The following ZC3H18 variants were observed in gnomAD, a reference collection of about 807,000 sequenced individuals.
The protein encoded by ZC3H18 is zinc finger CCCH domain-containing protein 18.
Under a neutral mutation model 106.1 loss-of-function variants are expected in ZC3H18, and 8 were observed. That is an observed-to-expected ratio of 0.08 (90% confidence interval 0.04 to 0.14). The LOEUF (loss-of-function observed/expected upper bound fraction) is 0.14, where lower values mean the gene tolerates loss of function less well. Ranked by LOEUF, ZC3H18 falls within the 10% of genes least tolerant of loss-of-function variation. The probability of loss-of-function intolerance (pLI) is 1.00; values close to 1 mark genes in which losing one functional copy is unlikely to be tolerated. For synonymous variants in ZC3H18, 635 were observed against 522.1 expected (o/e 1.22, Z -2.95); for missense variants, 1,318 against 1,278.4 (o/e 1.03, Z -0.47).
chr16:88,625,471 C>T (rs1053940064), intron 13 of ZC3H18: 3 of 614,664 alleles, frequency 4.9e-6, no homozygotes, highest in East Asian at 2.9e-5. Flanking sequence ...AAGACCCCCT[C>T]CCCCCACCAA....
rs1265575747 is a variant in ZC3H18 at position 88,586,769 on chromosome 16, C to G, written c.688+85C>G. On this transcript the variant is annotated intron_variant, in intron 3 of 17. Coordinates refer to ENST00000301011, the MANE Select transcript of ZC3H18 (RefSeq NM_144604.4). ...TGGTGCTGGCTCACCTTGCCAGGCCCTGCTCTGCTCAAGGCAGTTCTCTGG... is the reference window on the plus strand; with the variant it reads ...TGGTGCTGGCTCACCTTGCCAGGCCGTGCTCTGCTCAAGGCAGTTCTCTGG... The G allele has an allele frequency of 3.7e-6, 4 of 1,078,198 alleles. No homozygotes were observed. In the East Asian group the frequency reaches 1.0e-4, roughly 27 times the overall value. The allele number at this position is 1,078,198 out of a possible 1,614,324, so 66.8% of individuals were successfully genotyped here.
In ZC3H18 at chr16:88,627,869, G is replaced by T; in HGVS notation, c.2270-51G>T. 1.9e-6 allele frequency: 3 copies of T among 1,613,214 alleles called. No individual in the cohort carries two copies. Among genetic ancestry groups the T allele is most frequent in the Non-Finnish European group, 2.5e-6 (3 of 1,179,782 alleles). ...CAGACTTTGCCTGGCTGTTGGTGTG[G>T]CCATGGGAAAATCACCAGTACCCCC... On this transcript the variant is annotated intron_variant, in intron 14 of 17. Transcript: ENST00000301011. This position sits in a 1 kb window ranked among gnomAD's most constrained non-coding sequence, Gnocchi z 4.5.
In ZC3H18 at chr16:88,628,918, G is replaced by A. The variant is rs990544058; in HGVS notation, c.2566+64G>A. ...GGGAGCCTGGGGATGCGGAGCAGCT[G>A]GGTCTGAGACCCCATTGCTCTTAAC... On this transcript the variant is annotated intron_variant, in intron 16 of 17. Coordinates refer to ENST00000301011, the MANE Select transcript of ZC3H18 (RefSeq NM_144604.4). The A allele has an allele frequency of 3.8e-6, 6 of 1,569,754 alleles. No individual in the cohort carries two copies. The Admixed American group carries it at 6.8e-5, about 18-fold the overall frequency.
chr16:88,599,933 A>T lies in ZC3H18; in HGVS notation c.1073A>T (p.Asp358Val). The change falls in exon 6 of 18, where the codon GAT (aspartate) becomes GTT (valine). Residue 358 changes from aspartate (D) to valine (V), a missense_variant. Coordinates refer to ENST00000301011, the MANE Select transcript of ZC3H18 (RefSeq NM_144604.4). ...GATTGGAATTCTCGGATCCCGAGAGATGTCAGAGACACAGTGTAAGGAATG... is the reference window on the plus strand; with the variant it reads ...GATTGGAATTCTCGGATCCCGAGAGTTGTCAGAGACACAGTGTAAGGAATG... ...FRDWNSRIPRDVRDTVLEPYA... is the reference protein window; with the variant it reads ...FRDWNSRIPRVVRDTVLEPYA... The T allele has an allele frequency of 6.2e-7, 1 of 1,614,156 alleles. No individual in the cohort carries two copies. Among genetic ancestry groups the T allele is most frequent in the African/African-American group, 1.3e-5 (1 of 75,050 alleles).
At chr16:88,578,460 G>A (rs908285931) in intron 2 of ZC3H18, among the ~76,000 whole-genome samples, 1 of 152,124 alleles carries the variant, frequency 6.6e-6, no homozygotes, top group Non-Finnish European at 1.5e-5. Flanking sequence ...CCTCCTGAGT[G>A]ATACTTGCCG....
At position 88,622,134 on chromosome 16, in the gene ZC3H18, A is replaced by T. The variant is rs1243171333; in HGVS notation, c.1476-63A>T. 1.2e-5 allele frequency: 18 copies of T among 1,536,554 alleles called. No homozygotes were observed. The Admixed American group carries it at 3.6e-4, about 30-fold the overall frequency. ...ATCCATAGTCTCTCCCGCTGCTGTC[A>T]CACCTGGCATTGCTGTGAAGCGGAA... On this transcript the variant is annotated intron_variant, in intron 8 of 17. Coordinates refer to ENST00000301011, the MANE Select transcript of ZC3H18 (RefSeq NM_144604.4).
At chr16:88,570,793 C>A (rs1425483371) in intron 1 of ZC3H18, among the ~76,000 whole-genome samples, 1 of 152,084 alleles carries the variant, frequency 6.6e-6, no homozygotes, top group African/African-American at 2.4e-5. Context: ...TCCTGGGGCG[C>A]CCTGGGCGCC....
intron 8 of ZC3H18, among the ~76,000 whole-genome samples, chr16:88,621,664 G>A (rs1330065358): frequency 6.6e-6 from 1 of 151,768 alleles, no homozygotes; most frequent in Non-Finnish European, 1.5e-5. Context: ...CCTAATTTTT[G>A]TATTTTTAAT....
intron 3 of ZC3H18, among the ~76,000 whole-genome samples, chr16:88,587,957 G>A (rs1186305656): frequency 6.6e-6 from 1 of 152,200 alleles, no homozygotes; most frequent in Non-Finnish European, 1.5e-5. Context: ...GTGCTTGCTT[G>A]GTTTTGCCAA....
chr16:88,618,962 A>G (rs1207175613), intron 8 of ZC3H18, among the ~76,000 whole-genome samples: 1 of 151,794 alleles, frequency 6.6e-6, no homozygotes, highest in Non-Finnish European at 1.5e-5. Flanking sequence ...GTCCTGGGGC[A>G]CCCATGTTGT....
At chr16:88,622,439 G>T (rs772619074) in intron 9 of ZC3H18, 51 bp downstream of exon 9, 92 of 1,526,950 alleles carry the variant, frequency 6.0e-5, no homozygotes, top group East Asian at 5.6e-4. Context: ...GGAGCCGTCA[G>T]CTGACACCAT....
At chr16:88,619,541 C>T (rs546373233) in intron 8 of ZC3H18, among the ~76,000 whole-genome samples, 5 of 152,326 alleles carry the variant, frequency 3.3e-5, no homozygotes, top group African/African-American at 9.6e-5. Flanking sequence ...TGGCCATCTT[C>T]ATTTTGAAAT....
chr16:88,611,334 C>A lies in ZC3H18; in HGVS notation c.1273C>A (p.Arg425=), dbSNP rs1292137652. ...GCGCGAGCGGGAGCGGGAGCGGGACCGAGAGCGGGAGCGCCGGCAGAGGGA... is the reference window on the plus strand; with the variant it reads ...GCGCGAGCGGGAGCGGGAGCGGGACAGAGAGCGGGAGCGCCGGCAGAGGGA... ...RERERERERD[R]ERERRQRERE... Residue 425 remains arginine (R), a synonymous_variant, in exon 8 of 18, where the codon CGA becomes AGA. Transcript: ENST00000301011. 3 of 775,706 alleles carry A rather than the reference C, an allele frequency of 3.9e-6. No homozygotes were observed. Among genetic ancestry groups the A allele is most frequent in the Non-Finnish European group, 4.5e-6 (2 of 440,002 alleles). The allele number at this position is 775,706 out of a possible 1,614,324, so 48.1% of individuals were successfully genotyped here. A position where few individuals can be genotyped will look rare whatever the true frequency, so the allele number is the denominator to read the frequency against.
chr16:88,579,432 C>G (rs1326817209), intron 2 of ZC3H18, among the ~76,000 whole-genome samples: 2 of 152,142 alleles, frequency 1.3e-5, no homozygotes, highest in Non-Finnish European at 2.9e-5. Flanking sequence ...GGACTGGCTG[C>G]AGACCCTCAA....
chr16:88,585,400 G>C (rs982357179), intron 2 of ZC3H18, among the ~76,000 whole-genome samples: 2 of 152,224 alleles, frequency 1.3e-5, no homozygotes, highest in African/African-American at 2.4e-5. Flanking sequence ...TGCTGCCTGG[G>C]CCCAGCAACT....
chr16:88,630,213 G>A (rs1189996248), intron 16 of ZC3H18: 11 of 411,946 alleles, frequency 2.7e-5, no homozygotes, highest in Admixed American at 4.1e-5. Flanking sequence ...TTTCTTCAAA[G>A]CTAGGAAGGA....
chr16:88,584,531 AT>A (rs2142572784), intron 2 of ZC3H18, among the ~76,000 whole-genome samples: 1 of 152,108 alleles, frequency 6.6e-6, no homozygotes, highest in Non-Finnish European at 1.5e-5. Context: ...TTGGTGGATT[AT>A]TTTTGTTTGT....
rs1345494917 is a variant in ZC3H18, at chr16:88,631,308, C to G, written c.*9C>G. 6.4e-7 allele frequency: 1 copy of G among 1,566,868 alleles called. No homozygotes were observed. Among genetic ancestry groups the G allele is most frequent in the Non-Finnish European group, 8.7e-7 (1 of 1,155,646 alleles). On this transcript the variant is annotated 3_prime_UTR_variant, in exon 18 of 18. Transcript: ENST00000301011. Reference sequence around the variant, plus strand: ...TCCCCGGGAAAGCATAGGCCGTGCCCCGACCGGACTGGACGCATTTTTATA... The same window carrying G: ...TCCCCGGGAAAGCATAGGCCGTGCCGCGACCGGACTGGACGCATTTTTATA...
chr16:88,611,355 A>T lies in ZC3H18; in HGVS notation c.1294A>T (p.Arg432Trp). The part of the protein sequence containing the change: ...ERDRERERRQ[R>W]ERERERERER... ...GGACCGAGAGCGGGAGCGCCGGCAG[A>T]GGGAGCGCGAGCGAGAGCGGGAGCG... Residue 432 changes from arginine (R) to tryptophan (W), a missense_variant, in exon 8 of 18, where the codon AGG (arginine) becomes TGG (tryptophan). Arg to Trp is a moderately radical substitution (Grantham distance 101). Coordinates refer to ENST00000301011, the MANE Select transcript of ZC3H18 (RefSeq NM_144604.4). 2 of 864,776 alleles carry T rather than the reference A, an allele frequency of 2.3e-6. No homozygotes were observed. The highest frequency in any genetic ancestry group is 5.4e-5 in the East Asian group (2 of 37,090). The allele number at this position is 864,776 out of a possible 1,614,324, so 53.6% of individuals were successfully genotyped here. A position where few individuals can be genotyped will look rare whatever the true frequency, so the allele number is the denominator to read the frequency against.
Sources: allele counts gnomAD v4.1 joint callset (sites outside exome capture counted in the v4.1 genomes callset), GRCh38; gene constraint gnomAD v4.1.1; non-coding constraint Gnocchi (gnomAD v3.1); transcripts MANE v1.5; gene names NCBI Gene and HGNC (gene_info 2026-07-23, HGNC 2026-07-21).